ZFAND3: variants seen among roughly 807,000 people sequenced by gnomAD.
The protein encoded by ZFAND3 is zinc finger AN1-type containing 3.
ZFAND3 carries 10 observed loss-of-function variants against 29.6 expected under a neutral mutation model. That is an observed-to-expected ratio of 0.34 (90% CI 0.21 to 0.57). ZFAND3 has a LOEUF of 0.57. Among genes scored for constraint, ZFAND3 ranks in the 20% least tolerant of loss-of-function variants. The pLI is 0.86. For missense variants in ZFAND3, 230 were observed against 304.5 expected (o/e 0.76, Z 1.82); for synonymous variants, 128 against 112.6 (o/e 1.14, Z -0.87).
chr6:37,861,093 C>T (rs1480245574), intron 1 of ZFAND3, among the ~76,000 whole-genome samples: 1 of 151,788 alleles, frequency 6.6e-6, no homozygotes, highest in Non-Finnish European at 1.5e-5. Flanking sequence ...CCTGTTTTTA[C>T]TAAAAATAAA....
chr6:38,050,499 T>C (rs1764005409), intron 2 of ZFAND3, among the ~76,000 whole-genome samples: 1 of 152,086 alleles, frequency 6.6e-6, no homozygotes, highest in South Asian at 2.1e-4. Context: ...CATGCCGTTC[T>C]CGTGAAAGTG....
chr6:37,833,768 G>A (rs1026119092), intron 1 of ZFAND3, among the ~76,000 whole-genome samples: 3 of 148,062 alleles, frequency 2.0e-5, no homozygotes, highest in Non-Finnish European at 4.4e-5. Flanking sequence ...GGAGGCTGCA[G>A]TGAGCCAAGA....
intron 1 of ZFAND3, among the ~76,000 whole-genome samples, chr6:37,929,611 G>T (rs558312697): frequency 2.4e-3 from 363 of 152,212 alleles, no homozygotes; most frequent in Non-Finnish European, 3.9e-3. Flanking sequence ...TAATCATGTG[G>T]TTTAAATTGA....
chr6:37,911,169 T>C (rs1261353516), intron 1 of ZFAND3, among the ~76,000 whole-genome samples: 4 of 152,214 alleles, frequency 2.6e-5, no homozygotes, highest in Non-Finnish European at 5.9e-5. Flanking sequence ...AGGGTTCCCT[T>C]TTTCCCCCAC....
At chr6:38,053,029 A>G (rs1047686453) in intron 2 of ZFAND3, among the ~76,000 whole-genome samples, 4 of 148,326 alleles carry the variant, frequency 2.7e-5, no homozygotes, top group African/African-American at 7.5e-5. Flanking sequence ...GCAAGACTCC[A>G]TTTCGAAAAA....
Position 38,152,827 on chromosome 6 carries a change from T to C in ZFAND3, c.*438T>C, listed in dbSNP as rs1225958850. 3 of 986,372 alleles carry C rather than the reference T, an allele frequency of 3.0e-6. No homozygotes were observed. The highest frequency in any genetic ancestry group is 5.2e-4 in the Middle Eastern group (1 of 1,938). 61.1% of individuals were successfully genotyped at this position (986,372 alleles called of 1,614,324 possible). ...GTTTAATGATCGGCCTTTCACCTCT[T>C]CACTTATCCTTAGTCCCAGTAGCCA... is the stretch of plus-strand genomic sequence containing the variant. On this transcript the variant is annotated 3_prime_UTR_variant, in exon 6 of 6. Transcript: ENST00000287218.
intron 1 of ZFAND3, among the ~76,000 whole-genome samples, chr6:37,902,112 TA>T (rs1765328842): frequency 6.6e-6 from 1 of 152,138 alleles, no homozygotes; most frequent in Admixed American, 6.6e-5. Flanking sequence ...AAGGTGGGGT[TA>T]ATTTGGAATC....
intron 1 of ZFAND3, among the ~76,000 whole-genome samples, chr6:37,895,459 C>CTTTTTTTTTTTT (rs11331881): frequency 2.5e-3 from 194 of 76,714 alleles, no homozygotes; most frequent in Middle Eastern, 0.012. Context: ...CTCAGAGGTT[C>CTTTTTTTTTTTT]TTTTTTTTTT....
Position 38,154,096 on chromosome 6 carries a change from T to C in ZFAND3, c.*1707T>C. On this transcript the variant is annotated 3_prime_UTR_variant, in exon 6 of 6. Transcript: ENST00000287218. ...TTCAGGACCCAGACCGGTGTCTTGC[T>C]CTAGGGCAACCCAGGGCAGAGGGGC... 4.1e-6 allele frequency: 4 copies of C among 985,564 alleles called. No homozygotes were observed. Among genetic ancestry groups the C allele is most frequent in the Non-Finnish European group, 4.8e-6 (4 of 829,988 alleles). The allele number at this position is 985,564 out of a possible 1,614,324, so 61.1% of individuals were successfully genotyped here.
intron 3 of ZFAND3, among the ~76,000 whole-genome samples, chr6:38,080,167 T>C (rs1764633578): frequency 6.7e-6 from 1 of 148,824 alleles, no homozygotes; most frequent in South Asian, 2.2e-4. Context: ...AGGGTGGGGG[T>C]CTAGGGGAGG....
intron 2 of ZFAND3, among the ~76,000 whole-genome samples, chr6:38,046,096 C>T (rs892961037): frequency 1.3e-5 from 2 of 152,196 alleles, no homozygotes; most frequent in Non-Finnish European, 2.9e-5. Flanking sequence ...TGAACTATAT[C>T]TCATTTTCCT....
chr6:37,822,867 G>A (rs1379085237), intron 1 of ZFAND3, among the ~76,000 whole-genome samples: 2 of 152,110 alleles, frequency 1.3e-5, no homozygotes, highest in Non-Finnish European at 2.9e-5. Context: ...TGTGAAGGGG[G>A]ATCACAATCT....
chr6:38,042,706 A>G (rs1391705740), intron 2 of ZFAND3, among the ~76,000 whole-genome samples: 1 of 152,190 alleles, frequency 6.6e-6, no homozygotes, highest in Non-Finnish European at 1.5e-5. Context: ...AAGAAAAACA[A>G]GAGTATCTTT....
At chr6:37,915,201 C>A (rs1323037389) in intron 1 of ZFAND3, among the ~76,000 whole-genome samples, 1 of 152,084 alleles carries the variant, frequency 6.6e-6, no homozygotes, top group Admixed American at 6.5e-5. Flanking sequence ...CTTCTCTCAG[C>A]CTTTATAGAA....
intron 1 of ZFAND3, among the ~76,000 whole-genome samples, chr6:37,892,470 C>CT (rs1308261813): frequency 1.3e-5 from 2 of 152,056 alleles, no homozygotes; most frequent in Non-Finnish European, 2.9e-5. Context: ...TTAAGTAGTG[C>CT]TTACAGAGAA....
intron 2 of ZFAND3, among the ~76,000 whole-genome samples, chr6:38,036,138 TCCAAGCA>T (rs1763653016): frequency 6.6e-6 from 1 of 152,204 alleles, no homozygotes; most frequent in African/African-American, 2.4e-5. Flanking sequence ...GATAGCAGTT[TCCAAGCA>T]CCACATATTT....
intron 2 of ZFAND3, among the ~76,000 whole-genome samples, chr6:37,978,940 T>C (rs1042755117): frequency 3.3e-5 from 5 of 152,058 alleles, no homozygotes; most frequent in Non-Finnish European, 5.9e-5. Context: ...TCATTTCTGA[T>C]ACTGATAATT....
chr6:37,823,404 GT>G (rs996843923), intron 1 of ZFAND3, among the ~76,000 whole-genome samples: 1 of 152,226 alleles, frequency 6.6e-6, no homozygotes, highest in Non-Finnish European at 1.5e-5. Flanking sequence ...TCAGCAGAAT[GT>G]TTTGGCTCCG....
At chr6:37,934,180 G>A (rs1207523979) in intron 2 of ZFAND3, among the ~76,000 whole-genome samples, 3 of 148,340 alleles carry the variant, frequency 2.0e-5, no homozygotes, top group Admixed American at 6.7e-5. Context: ...AAGCCACTGC[G>A]CCCGGCCCTT....
Sources: gnomAD v4.1 joint callset for allele counts (sites outside exome capture counted in the v4.1 genomes callset) on GRCh38, gnomAD v4.1.1 for gene constraint, MANE v1.5 for transcripts, NCBI Gene and HGNC (gene_info 2026-07-23, HGNC 2026-07-21) for gene names.